MED28: variants seen among roughly 807,000 people sequenced by gnomAD.
MED28 encodes the protein mediator of RNA polymerase II transcription subunit 28.
A neutral mutation model predicts 21.3 loss-of-function variants in MED28; 26 were observed. The observed-to-expected ratio is 1.22, with a 90% CI of 0.89 to 1.69. The LOEUF (loss-of-function observed/expected upper bound fraction) is 1.69, where lower values mean the gene tolerates loss of function less well. Among genes scored for constraint, MED28 ranks in the 40% most tolerant of loss-of-function variants. The pLI is 0.00. For missense variants in MED28, 257 were observed against 215.4 expected (o/e 1.19, Z -1.21); for synonymous variants, 110 against 87.6 (o/e 1.26, Z -1.43).
chr4:17,628,908 G>C lies in MED28; in HGVS notation c.*5110G>C, dbSNP rs569646214. The C allele has an allele frequency of 6.6e-6, 1 of 152,344 alleles. No individual in the cohort carries two copies. The highest frequency in any genetic ancestry group is 2.1e-4 in the South Asian group (1 of 4,822). 9.4% of individuals were successfully genotyped at this position (152,344 alleles called of 1,614,324 possible). ...GGAGTCAAACTGTGGAAGATAAGAG[G>C]AGTACTGCACACAAGGACAGTAGAG... On this transcript the variant is annotated 3_prime_UTR_variant, in exon 4 of 4. Transcript: ENST00000237380.
Position 17,614,666 on chromosome 4 carries a change from A to G in MED28, c.12A>G (p.Pro4=), listed in dbSNP as rs761424776. The G allele has an allele frequency of 1.9e-6, 3 of 1,610,764 alleles. No individual in the cohort carries two copies. The highest frequency in any genetic ancestry group is 2.7e-5 in the African/African-American group (2 of 74,686). The change falls in exon 1 of 4, where the codon CCA becomes CCG. Residue 4 remains proline (P), a synonymous_variant. Transcript: ENST00000237380. ...GCGCCATTCCAAACATGGCGGCTCC[A>G]CTAGGGGGTATGTTTTCTGGGCAGC... MAA[P]LGGMFSGQPP...
At position 17,632,742 on chromosome 4, in the gene MED28, A is replaced by C; in HGVS notation, c.*8944A>C. 5.9e-6 allele frequency: 4 copies of C among 673,052 alleles called. No homozygotes were observed. Among genetic ancestry groups the C allele is most frequent in the East Asian group, 3.0e-5 (1 of 33,508 alleles). The allele number at this position is 673,052 out of a possible 1,614,324, so 41.7% of individuals were successfully genotyped here. ...TTGTTTACTCTTCAAAAACACCCAA[A>C]TGGGACTGGCCAACATTAGTAGTGG... On this transcript the variant is annotated 3_prime_UTR_variant, in exon 4 of 4. Coordinates refer to ENST00000237380, the MANE Select transcript of MED28 (RefSeq NM_025205.5).
In MED28 at chr4:17,616,456, C is replaced by G. The variant is rs375431720; in HGVS notation, c.159+1643C>G. 1.7e-4 allele frequency among the ~76,000 whole-genome samples: 26 copies of G among 152,294 alleles called. No homozygotes were observed. In the East Asian group the frequency reaches 4.6e-3, roughly 27 times the overall value. On this transcript the variant is annotated intron_variant, in intron 1 of 3. Transcript: ENST00000237380. The stretch of plus-strand genomic sequence containing the variant: ...TCTTAGCCAAAGTTGACTCCCAGCA[C>G]CCTGCTGCTTAAAAACGTACAGTGG...
At chr4:17,618,698 A>G (rs1714528896) in intron 1 of MED28, among the ~76,000 whole-genome samples, 1 of 151,742 alleles carries the variant, frequency 6.6e-6, no homozygotes, top group African/African-American at 2.4e-5. Flanking sequence ...TTGTATTTTT[A>G]TTAGAGATGG....
chr4:17,619,856 A>T (rs1714565635), intron 1 of MED28, 45 bp from the exon 2 acceptor site: 1 of 1,549,760 alleles, frequency 6.5e-7, no homozygotes, highest in South Asian at 1.1e-5. Flanking sequence ...AAGATTTTTG[A>T]TGTATAAATG....
At position 17,624,577 on chromosome 4, in the gene MED28, G is replaced by A. The variant is rs1714724620; in HGVS notation, c.*779G>A. 6.6e-6 allele frequency: 1 copy of A among 152,144 alleles called. No homozygotes were observed. The highest frequency in any genetic ancestry group is 2.4e-5 in the African/African-American group (1 of 41,408). The allele number at this position is 152,144 out of a possible 1,614,324, so 9.4% of individuals were successfully genotyped here. ...CACTGTTTTCAGTAGCATGACAGTG[G>A]GGTCATAGGTGAGCTGTGAGGGGCT... On this transcript the variant is annotated 3_prime_UTR_variant, in exon 4 of 4. Transcript: ENST00000237380.
In MED28 at chr4:17,623,820, C is replaced by A; in HGVS notation, c.*22C>A. ...GTGAGCAAAGGGCAGAGGCAGTTGG[C>A]CTATGAGTGGGCTGATGCGTGAGGT... On this transcript the variant is annotated 3_prime_UTR_variant, in exon 4 of 4. Transcript: ENST00000237380. 1 of 1,604,280 alleles carries A rather than the reference C, an allele frequency of 6.2e-7. No individual in the cohort carries two copies.
chr4:17,632,838 A>G lies in MED28; in HGVS notation c.*9040A>G, dbSNP rs1715001972. Reference sequence around the variant, plus strand: ...TCATTTGGAAAACAGAAGGTTCACCATTGTTTGGTTCTCCATTGTTCCTTT... The same window carrying G: ...TCATTTGGAAAACAGAAGGTTCACCGTTGTTTGGTTCTCCATTGTTCCTTT... On this transcript the variant is annotated 3_prime_UTR_variant, in exon 4 of 4. Transcript: ENST00000237380. 4.5e-6 allele frequency: 2 copies of G among 441,120 alleles called. No individual in the cohort carries two copies. Among genetic ancestry groups the G allele is most frequent in the Admixed American group, 3.4e-5 (1 of 29,222 alleles). The allele number at this position is 441,120 out of a possible 1,614,324, so 27.3% of individuals were successfully genotyped here. A position where few individuals can be genotyped will look rare whatever the true frequency, so the allele number is the denominator to read the frequency against.
intron 1 of MED28, among the ~76,000 whole-genome samples, chr4:17,618,068 A>G (rs62298066): frequency 0.51 from 74,226 of 144,724 alleles, 21,936 homozygotes; most frequent in East Asian, 0.88. Flanking sequence ...CCAGAGTGCA[A>G]TGGCACGATG....
intron 1 of MED28, among the ~76,000 whole-genome samples, chr4:17,619,535 G>T (rs1714556837): frequency 6.6e-6 from 1 of 152,178 alleles, no homozygotes; most frequent in African/African-American, 2.4e-5. Context: ...CTCTGAGGGG[G>T]AGAAGATTGT....
rs1715037285 is a variant in MED28 at position 17,633,802 on chromosome 4, C to G, written c.*10004C>G. 3.2e-6 allele frequency: 5 copies of G among 1,551,610 alleles called. No individual in the cohort carries two copies. The South Asian group carries it at 3.6e-5, about 11-fold the overall frequency. On this transcript the variant is annotated 3_prime_UTR_variant, in exon 4 of 4. Coordinates refer to ENST00000237380, the MANE Select transcript of MED28 (RefSeq NM_025205.5). ...TTGGAGGGGCATTAATCCTGGAACTCAGATCGCCACTCAGAAAGTTCTTTG... is the reference window on the plus strand; with the variant it reads ...TTGGAGGGGCATTAATCCTGGAACTGAGATCGCCACTCAGAAAGTTCTTTG...
rs990702876 is a variant in MED28, at chr4:17,632,903, C to T, written c.*9105C>T. ...GTAGCTCTAATAATGCAGGATTAAC[C>T]AAACCTACAGATCAAGAGACTTTGT... On this transcript the variant is annotated 3_prime_UTR_variant, in exon 4 of 4. Coordinates refer to ENST00000237380, the MANE Select transcript of MED28 (RefSeq NM_025205.5). 6 of 265,550 alleles carry T rather than the reference C, an allele frequency of 2.3e-5. No individual in the cohort carries two copies. Among genetic ancestry groups the T allele is most frequent in the Non-Finnish European group, 4.4e-5 (6 of 135,654 alleles). The allele number at this position is 265,550 out of a possible 1,614,324, so 16.4% of individuals were successfully genotyped here.
intron 3 of MED28, among the ~76,000 whole-genome samples, chr4:17,622,025 A>G (rs1248106344): frequency 1.3e-5 from 2 of 152,266 alleles, no homozygotes; most frequent in East Asian, 1.9e-4. Flanking sequence ...GTTTTGGACA[A>G]AAACTGAGAT....
At chr4:17,623,398 C>A (rs77995448) in intron 3 of MED28, among the ~76,000 whole-genome samples, 1,168 of 112,796 alleles carry the variant, frequency 0.01, no homozygotes, top group Non-Finnish European at 0.012. Context: ...GACTTCGTCT[C>A]AAAAAAAAAA....
At chr4:17,620,084 T>C in intron 2 of MED28, 117 bp downstream of exon 2, 1 of 921,000 alleles carries the variant, frequency 1.1e-6, no homozygotes, top group Non-Finnish European at 1.7e-6. Context: ...TTTCAGGGAC[T>C]AAAATGTGTG....
At chr4:17,618,734 T>C (rs1182397134) in intron 1 of MED28, among the ~76,000 whole-genome samples, 2 of 152,018 alleles carry the variant, frequency 1.3e-5, no homozygotes, top group African/African-American at 2.4e-5. Context: ...GTTAGGATGG[T>C]GACTTCGTGG....
chr4:17,624,031 T>G lies in MED28; in HGVS notation c.*233T>G. The G allele has an allele frequency of 1.8e-6, 1 of 544,804 alleles. No individual in the cohort carries two copies. 33.7% of individuals were successfully genotyped at this position (544,804 alleles called of 1,614,324 possible). A position where few individuals can be genotyped will look rare whatever the true frequency, so the allele number is the denominator to read the frequency against. On this transcript the variant is annotated 3_prime_UTR_variant, in exon 4 of 4. Transcript: ENST00000237380. ...CAAGTAAGTATTTTTTTTTTGTCTT[T>G]AGCAAAGTTTAGACTGTGAATATGA...
chr4:17,633,535 G>GAAGTTTTCAGGT lies in MED28; in HGVS notation c.*9742_*9753dup. 1.5e-6 allele frequency: 1 copy of GAAGTTTTCAGGT among 661,204 alleles called. No individual in the cohort carries two copies. Among genetic ancestry groups the GAAGTTTTCAGGT allele is most frequent in the Middle Eastern group, 4.5e-4 (1 of 2,228 alleles). The allele number at this position is 661,204 out of a possible 1,614,324, so 41.0% of individuals were successfully genotyped here. On this transcript the variant is annotated 3_prime_UTR_variant, in exon 4 of 4. Coordinates refer to ENST00000237380, the MANE Select transcript of MED28 (RefSeq NM_025205.5). The stretch of plus-strand genomic sequence containing the variant: ...GTCCACCTTTTGTATAACCCATGCT[G>GAAGTTTTCAGGT]AAGTTTTCAGGTAAGTGATTCAGTG...
intron 1 of MED28, among the ~76,000 whole-genome samples, chr4:17,618,418 C>T (rs1421900517): frequency 1.3e-5 from 2 of 152,110 alleles, no homozygotes; most frequent in African/African-American, 2.4e-5. Flanking sequence ...ACTTTTTTGG[C>T]CAGTTTGTGA....
Sources: gnomAD v4.1 joint callset for allele counts (sites outside exome capture counted in the v4.1 genomes callset) on GRCh38, gnomAD v4.1.1 for gene constraint, MANE v1.5 for transcripts, NCBI Gene and HGNC (gene_info 2026-07-23, HGNC 2026-07-21) for gene names.